PROM1: variants seen among roughly 807,000 people sequenced by gnomAD.
PROM1 encodes the protein prominin-1.
PROM1 carries 105 observed loss-of-function variants against 116.9 expected under a neutral mutation model. The ratio of observed to expected loss-of-function variants is 0.90; its 90% CI spans 0.77 to 1.06. The LOEUF is 1.06. Ranked by LOEUF, PROM1 falls within the 50% of genes least tolerant of loss-of-function variation. The pLI is 0.00. For synonymous variants in PROM1, 393 were observed against 387.0 expected (o/e 1.02, Z -0.18); for missense variants, 1,122 against 1,045.2 (o/e 1.07, Z -1.01).
chr4:16,047,161 C>G (rs1351162910), intron 2 of PROM1, among the ~76,000 whole-genome samples: 1 of 152,128 alleles, frequency 6.6e-6, no homozygotes, highest in East Asian at 1.9e-4. Flanking sequence ...CCTCTTGAGG[C>G]CTTTCAACTG....
chr4:16,008,888 T>A, intron 12 of PROM1, 61 bp downstream of exon 12: 1 of 1,451,012 alleles, frequency 6.9e-7, no homozygotes, highest in South Asian at 1.3e-5. Context: ...AATGTCAGAT[T>A]TTTATCTCGT....
intron 2 of PROM1, among the ~76,000 whole-genome samples, chr4:16,040,057 G>A (rs1242148648): frequency 6.6e-6 from 1 of 152,130 alleles, no homozygotes; most frequent in Non-Finnish European, 1.5e-5. Flanking sequence ...CCCCAGGAAG[G>A]AGCTTCTGCA....
At chr4:16,000,985 G>A (rs981263340) in intron 13 of PROM1, among the ~76,000 whole-genome samples, 1 of 152,196 alleles carries the variant, frequency 6.6e-6, no homozygotes, top group African/African-American at 2.4e-5. Context: ...GAAAGCACAC[G>A]AGGAGCACAA....
chr4:16,077,264 T>C (rs1004618886), intron 1 of PROM1, among the ~76,000 whole-genome samples: 23 of 152,354 alleles, frequency 1.5e-4, no homozygotes, highest in African/African-American at 5.3e-4. Context: ...AGGTGGGACA[T>C]GCGGGCAACA....
At chr4:15,995,107 G>A (rs957106304) in intron 15 of PROM1, among the ~76,000 whole-genome samples, 6 of 152,160 alleles carry the variant, frequency 3.9e-5, no homozygotes, top group Non-Finnish European at 7.4e-5. Flanking sequence ...AGGCTCCCTG[G>A]GCTAAGCAGA....
chr4:16,034,253 A>C (rs1255656950), intron 4 of PROM1, among the ~76,000 whole-genome samples: 1 of 152,208 alleles, frequency 6.6e-6, no homozygotes, highest in Non-Finnish European at 1.5e-5. Context: ...CTTAATTTAG[A>C]AAAAAGGCTC....
chr4:16,047,582 A>C (rs1465187102), intron 2 of PROM1, among the ~76,000 whole-genome samples: 1 of 152,182 alleles, frequency 6.6e-6, no homozygotes, highest in Non-Finnish European at 1.5e-5. Flanking sequence ...TTTTGTTACA[A>C]TTAGTTTCGT....
intron 4 of PROM1, 105 bp downstream of exon 4, chr4:16,035,630 A>T: frequency 8.7e-7 from 1 of 1,155,796 alleles, no homozygotes. Flanking sequence ...GTGATGGTAA[A>T]AACAGAAATG....
rs367820372 is a variant in PROM1 at position 16,055,735 on chromosome 4, T to C, written c.221-16734A>G. On this transcript the variant is annotated intron_variant, in intron 2 of 27. Transcript: ENST00000447510. ...GAAATATATATTTTTAAAAATGCAA[T>C]GTCATAGCCTTTACAATTCCATTTT... Among the ~76,000 whole-genome samples, 68 of 152,310 alleles carry C rather than the reference T, an allele frequency of 4.5e-4. 1 individual carries two copies. The highest frequency in any genetic ancestry group is 1.6e-3 in the African/African-American group (66 of 41,574).
At position 15,985,812 on chromosome 4, in the gene PROM1, C is replaced by A; in HGVS notation, c.2228G>T (p.Gly743Val). ...SVIIEETKKY[G>V]RTIIGYFEHY... ...TTCAAAATATCCTATTATTGTTCTC[C>A]CATACTTCTTAGTTTCCTGGAAAGA... Residue 743 changes from glycine (G) to valine (V), a missense_variant, in exon 22 of 28, where the codon GGG (glycine) becomes GTG (valine). By Grantham distance (109) the Gly-to-Val change is moderately radical. Transcript: ENST00000447510. 1 of 1,158,988 alleles carries A rather than the reference C, an allele frequency of 8.6e-7. No individual in the cohort carries two copies. Among genetic ancestry groups the A allele is most frequent in the Non-Finnish European group, 1.1e-6 (1 of 904,656 alleles). The allele number at this position is 1,158,988 out of a possible 1,614,324, so 71.8% of individuals were successfully genotyped here.
intron 15 of PROM1, among the ~76,000 whole-genome samples, chr4:15,995,314 G>GAA (rs1722033727): frequency 7.1e-6 from 1 of 140,906 alleles, no homozygotes; most frequent in Non-Finnish European, 1.6e-5. Flanking sequence ...GAGAGAGAGA[G>GAA]AAAAAGAAGA....
chr4:16,020,672 C>CCAA (rs1729626482), intron 8 of PROM1, among the ~76,000 whole-genome samples: 7 of 151,418 alleles, frequency 4.6e-5, no homozygotes, highest in African/African-American at 1.5e-4. Context: ...ACCACCACCA[C>CCAA]CAACAACAAC....
At chr4:16,023,762 T>C (rs996610351) in intron 7 of PROM1, among the ~76,000 whole-genome samples, 2 of 152,188 alleles carry the variant, frequency 1.3e-5, no homozygotes, top group African/African-American at 4.8e-5. Flanking sequence ...CTTAGAGACA[T>C]CCCTGGCTTT....
At chr4:16,037,216 TG>T (rs1362330494) in intron 3 of PROM1, among the ~76,000 whole-genome samples, 1 of 152,206 alleles carries the variant, frequency 6.6e-6, no homozygotes, top group African/African-American at 2.4e-5. Flanking sequence ...AAGCATGTTA[TG>T]CTAATTTTGA....
rs1208968968 is a variant in PROM1, at chr4:16,029,754, C to T, written c.509+3550G>A. 2.6e-5 allele frequency among the ~76,000 whole-genome samples: 4 copies of T among 152,114 alleles called. No individual in the cohort carries two copies. The South Asian group carries it at 6.2e-4, about 24-fold the overall frequency. On this transcript the variant is annotated intron_variant, in intron 5 of 27. Coordinates refer to ENST00000447510, the MANE Select transcript of PROM1 (RefSeq NM_006017.3). Reference sequence around the variant, plus strand: ...CATTTAATTGTAATATTTTGAGCCACAAAATGAAATTGAGTCCAATAAAAG... The same window carrying T: ...CATTTAATTGTAATATTTTGAGCCATAAAATGAAATTGAGTCCAATAAAAG...
chr4:16,021,039 G>C (rs1201929188), intron 8 of PROM1, among the ~76,000 whole-genome samples: 2 of 147,730 alleles, frequency 1.4e-5, no homozygotes, highest in African/African-American at 5.0e-5. Context: ...CAAAATAATT[G>C]CATGTTTCTG....
Position 15,979,410 on chromosome 4 carries a change from T to C in PROM1, c.2567A>G (p.Asn856Ser), listed in dbSNP as rs771661557. ...YHKDHVYGIH[N>S]PVMTSPSQH ...TTTGCTTTACCTTGTCATAACAGGA[T>C]TGTGAATACCATATACATGATCTTT... The change falls in exon 26 of 28, where the codon AAT becomes AGT. Residue 856 changes from asparagine (N) to serine (S), a missense_variant. Asn to Ser is a conservative substitution (Grantham distance 46). Coordinates refer to ENST00000447510, the MANE Select transcript of PROM1 (RefSeq NM_006017.3). 7 of 1,613,664 alleles carry C rather than the reference T, an allele frequency of 4.3e-6. No individual in the cohort carries two copies. The highest frequency in any genetic ancestry group is 5.9e-6 in the Non-Finnish European group (7 of 1,179,786).
At chr4:16,081,907 A>C (rs1228958257) in intron 1 of PROM1, among the ~76,000 whole-genome samples, 1 of 84,066 alleles carries the variant, frequency 1.2e-5, no homozygotes, top group Non-Finnish European at 2.9e-5. Context: ...ATTATGGAAC[A>C]CATGAAAAAA....
chr4:16,055,478 A>C lies in PROM1; in HGVS notation c.221-16477T>G, dbSNP rs926783220. The C allele has an allele frequency of 8.3e-5, 38 of 455,110 alleles. 1 individual carries two copies. In the East Asian group the frequency reaches 2.6e-3, roughly 31 times the overall value. The allele number at this position is 455,110 out of a possible 1,614,324, so 28.2% of individuals were successfully genotyped here. A position where few individuals can be genotyped will look rare whatever the true frequency, so the allele number is the denominator to read the frequency against. On this transcript the variant is annotated intron_variant, in intron 2 of 27. Coordinates refer to ENST00000447510, the MANE Select transcript of PROM1 (RefSeq NM_006017.3). ...CAAAATGGAAGTAGGGAATTGAATAATTATTTCTGATCGGAAGATCTCCCC... is the reference window on the plus strand; with the variant it reads ...CAAAATGGAAGTAGGGAATTGAATACTTATTTCTGATCGGAAGATCTCCCC...
Sources: gnomAD v4.1 joint callset for allele counts (sites outside exome capture counted in the v4.1 genomes callset) on GRCh38, gnomAD v4.1.1 for gene constraint, MANE v1.5 for transcripts, NCBI Gene and HGNC (gene_info 2026-07-23, HGNC 2026-07-21) for gene names.